Variants in ENTREP2 observed in about 807,000 individuals in gnomAD.
ENTREP2 encodes endosomal transmembrane epsin interactor 2, also known as protein ENTREP2.
At chr15:29,643,452 C>A in the ENTREP2 span, among the ~76,000 whole-genome samples, 1 of 152,070 alleles carries the variant, frequency 6.6e-6, no homozygotes, top group East Asian at 1.9e-4. Flanking sequence ...AACAGAAAAT[C>A]TAGACTCGAA....
the ENTREP2 span, among the ~76,000 whole-genome samples, chr15:29,362,322 C>T: frequency 6.6e-6 from 1 of 150,828 alleles, no homozygotes; most frequent in African/African-American, 2.4e-5. Context: ...GATTTTTGAG[C>T]ACATAATTAC....
the ENTREP2 span, among the ~76,000 whole-genome samples, chr15:29,249,660 A>G: frequency 6.6e-6 from 1 of 152,154 alleles, no homozygotes; most frequent in East Asian, 1.9e-4. Flanking sequence ...GTTTTGCAAT[A>G]TTCTATGAAG....
chr15:29,258,745 C>T, the ENTREP2 span, among the ~76,000 whole-genome samples: 1 of 152,168 alleles, frequency 6.6e-6, no homozygotes, highest in African/African-American at 2.4e-5. Context: ...CTTATCCTCC[C>T]TCCTCCTAGC....
the ENTREP2 span, among the ~76,000 whole-genome samples, chr15:29,579,520 C>CTT: frequency 2.7e-5 from 3 of 111,466 alleles, no homozygotes; most frequent in African/African-American, 6.5e-5. Flanking sequence ...TGGTTTCTTT[C>CTT]TTTTTTTTTT....
the ENTREP2 span, among the ~76,000 whole-genome samples, chr15:29,576,967 C>T: frequency 1.3e-5 from 2 of 152,064 alleles, no homozygotes; most frequent in African/African-American, 4.8e-5. Flanking sequence ...GCCACCGCAC[C>T]CGCTAATTTT....
chr15:29,637,108 G>GT, the ENTREP2 span, among the ~76,000 whole-genome samples: 1 of 152,182 alleles, frequency 6.6e-6, no homozygotes, highest in African/African-American at 2.4e-5. Flanking sequence ...GGGAAGGGAG[G>GT]TAACTGCCAG....
the ENTREP2 span, among the ~76,000 whole-genome samples, chr15:29,549,189 G>A: frequency 6.6e-6 from 1 of 152,100 alleles, no homozygotes; most frequent in African/African-American, 2.4e-5. Flanking sequence ...GGAGTTCTCT[G>A]AACCTGTCCC....
chr15:29,269,594 C>A, the ENTREP2 span: 3 of 1,552,784 alleles, frequency 1.9e-6, no homozygotes, highest in Non-Finnish European at 2.6e-6. Context: ...TCTCTGAGAA[C>A]CCGGGCGTCT....
chr15:29,580,844 G>A, the ENTREP2 span, among the ~76,000 whole-genome samples: 1 of 152,124 alleles, frequency 6.6e-6, no homozygotes, highest in Non-Finnish European at 1.5e-5. Flanking sequence ...CACCTTATTA[G>A]AATAAAAGCT....
At chr15:29,558,293 G>T in the ENTREP2 span, among the ~76,000 whole-genome samples, 3 of 152,054 alleles carry the variant, frequency 2.0e-5, no homozygotes, top group Non-Finnish European at 2.9e-5. Context: ...ACGGGAGAAT[G>T]GCTCTGCTGT....
chr15:29,453,179 G>A, the ENTREP2 span, among the ~76,000 whole-genome samples: 60 of 152,274 alleles, frequency 3.9e-4, no homozygotes, highest in South Asian at 6.2e-3. Context: ...TGAACACCCC[G>A]GTGCAGGGGG....
chr15:29,411,240 G>A, the ENTREP2 span, among the ~76,000 whole-genome samples: 9 of 152,194 alleles, frequency 5.9e-5, no homozygotes, highest in Non-Finnish European at 1.0e-4. Flanking sequence ...GTCACGGTAT[G>A]TGTGCATGTT....
chr15:29,577,313 G>GGTGTGTGTTT, the ENTREP2 span, among the ~76,000 whole-genome samples: 3 of 139,802 alleles, frequency 2.1e-5, no homozygotes, highest in Non-Finnish European at 4.6e-5. Flanking sequence ...GACTCAAAGA[G>GGTGTGTGTTT]GTGTGTGTGT....
the ENTREP2 span, among the ~76,000 whole-genome samples, chr15:29,646,219 G>A: frequency 1.1e-3 from 173 of 152,308 alleles, 1 homozygote; most frequent in African/African-American, 3.9e-3. Context: ...AACAGCACCC[G>A]TTGATCACCT....
At chr15:29,548,433 C>A in the ENTREP2 span, among the ~76,000 whole-genome samples, 5 of 127,502 alleles carry the variant, frequency 3.9e-5, no homozygotes, top group East Asian at 1.2e-3. Flanking sequence ...CCAGCCTGGG[C>A]AAGAGAGCGA....
At chr15:29,592,608 T>C in the ENTREP2 span, among the ~76,000 whole-genome samples, 106,932 of 152,084 alleles carry the variant, frequency 0.7, 37,748 homozygotes, top group South Asian at 0.79. Flanking sequence ...CTGGGGATTC[T>C]GTTTACAACA....
chr15:29,579,686 ATTTTTTTTTTTTTTTTTTTTTTTTTT>A, the ENTREP2 span, among the ~76,000 whole-genome samples: 2 of 55,816 alleles, frequency 3.6e-5, no homozygotes, highest in African/African-American at 1.8e-4. Context: ...CACCCAGCTA[ATTTTTTTTTTTTTTTTTTTTTTTTTT>A]TTTTTTTTTT....
chr15:29,272,891 C>T, the ENTREP2 span, among the ~76,000 whole-genome samples: 3 of 152,014 alleles, frequency 2.0e-5, no homozygotes, highest in Admixed American at 2.0e-4. Flanking sequence ...ATAGACTGGC[C>T]AGAACTACTC....
the ENTREP2 span, among the ~76,000 whole-genome samples, chr15:29,636,201 G>A: frequency 2.0e-5 from 3 of 152,278 alleles, no homozygotes; most frequent in South Asian, 2.1e-4. Context: ...CAATCTCGTC[G>A]CGTGTGGCCA....
Sources: allele counts gnomAD v4.1 joint callset (sites outside exome capture counted in the v4.1 genomes callset), GRCh38; gene constraint gnomAD v4.1.1; transcripts MANE v1.5; gene names NCBI Gene and HGNC (gene_info 2026-07-23, HGNC 2026-07-21).